Variants in SLC1A2 observed in about 807,000 individuals in gnomAD.
SLC1A2 encodes the protein solute carrier family 1 member 2.
A neutral mutation model predicts 48.8 loss-of-function variants in SLC1A2; 15 were observed. The ratio of observed to expected loss-of-function variants is 0.31; its 90% confidence interval spans 0.21 to 0.47. The LOEUF (loss-of-function observed/expected upper bound fraction) is 0.47, where lower values mean the gene tolerates loss of function less well. Among genes scored for constraint, SLC1A2 ranks in the 20% least tolerant of loss-of-function variants. SLC1A2 has a pLI of 0.99. For missense variants in SLC1A2, 502 were observed against 730.5 expected (o/e 0.69, Z 3.61); for synonymous variants, 279 against 272.6 (o/e 1.02, Z -0.23).
intron 1 of SLC1A2, among the ~76,000 whole-genome samples, chr11:35,333,054 A>G (rs1852481716): frequency 6.6e-6 from 1 of 152,092 alleles, no homozygotes; most frequent in African/African-American, 2.4e-5. Flanking sequence ...ATCCGCACAC[A>G]GCTGATCAAG....
At chr11:35,263,264 C>G (rs1950424017) in intron 10 of SLC1A2, among the ~76,000 whole-genome samples, 1 of 152,078 alleles carries the variant, frequency 6.6e-6, no homozygotes. Flanking sequence ...TAAGGAGTTA[C>G]TGACAAGCCT....
chr11:35,416,316 G>T (rs2421897), intron 1 of SLC1A2, among the ~76,000 whole-genome samples: 3 of 152,126 alleles, frequency 2.0e-5, no homozygotes, highest in African/African-American at 7.2e-5. Context: ...ATCATTTTCA[G>T]ATGATAACCC....
intron 1 of SLC1A2, among the ~76,000 whole-genome samples, chr11:35,364,987 A>G (rs1158161143): frequency 6.6e-6 from 1 of 152,224 alleles, no homozygotes; most frequent in Non-Finnish European, 1.5e-5. Flanking sequence ...ATCTGAACGC[A>G]CAGCCAATGC....
At chr11:35,293,504 A>T (rs1036652658) in intron 6 of SLC1A2, among the ~76,000 whole-genome samples, 1 of 152,212 alleles carries the variant, frequency 6.6e-6, no homozygotes, top group Non-Finnish European at 1.5e-5. Context: ...TTCTCTCTCA[A>T]CCTGAATATA....
intron 7 of SLC1A2, 51 bp from the exon 8 acceptor site, chr11:35,287,002 C>A: frequency 1.4e-6 from 2 of 1,404,824 alleles, no homozygotes; most frequent in South Asian, 1.2e-5. Context: ...TTTAGAGAAG[C>A]AGGACAATGC....
At chr11:35,397,479 T>C (rs1335951095) in intron 1 of SLC1A2, among the ~76,000 whole-genome samples, 1 of 150,076 alleles carries the variant, frequency 6.7e-6, no homozygotes, top group Non-Finnish European at 1.5e-5. Flanking sequence ...TAGCCATATG[T>C]AGAAAGCTGA....
At position 35,257,544 on chromosome 11, in the gene SLC1A2, C is replaced by T. The variant is rs1374568309; in HGVS notation, c.*3350G>A. ...AGATCTGTGAGATCTAGATGATTGC[C>T]CTGATTTTCTGATGCTCTTTGTATG... On this transcript the variant is annotated 3_prime_UTR_variant, in exon 11 of 11. Coordinates refer to ENST00000278379, the MANE Select transcript of SLC1A2 (RefSeq NM_004171.4). 6.6e-6 allele frequency: 1 copy of T among 152,176 alleles called. No individual in the cohort carries two copies. The highest frequency in any genetic ancestry group is 2.4e-5 in the African/African-American group (1 of 41,508). The allele number at this position is 152,176 out of a possible 1,614,324, so 9.4% of individuals were successfully genotyped here.
At chr11:35,309,334 C>A (rs151287856) in intron 4 of SLC1A2, among the ~76,000 whole-genome samples, 100 of 152,334 alleles carry the variant, frequency 6.6e-4, no homozygotes, top group African/African-American at 2.3e-3. Flanking sequence ...AGCCTGGCAG[C>A]CCGTCCTGCT....
At chr11:35,314,194 T>C (rs889281340) in intron 3 of SLC1A2, among the ~76,000 whole-genome samples, 3 of 152,224 alleles carry the variant, frequency 2.0e-5, no homozygotes, top group African/African-American at 7.2e-5. Flanking sequence ...TAACAAATCA[T>C]ACATTGGCCA....
At chr11:35,301,428 A>G in intron 6 of SLC1A2, 91 bp downstream of exon 6, 1 of 1,258,932 alleles carries the variant, frequency 7.9e-7, no homozygotes, top group Non-Finnish European at 1.1e-6. Flanking sequence ...AGCCCATGCC[A>G]ACTTTTTCCT....
chr11:35,325,551 T>A (rs753130624), intron 1 of SLC1A2, among the ~76,000 whole-genome samples: 60 of 152,230 alleles, frequency 3.9e-4, no homozygotes, highest in Non-Finnish European at 8.1e-4. Context: ...TGTCACAGGT[T>A]CTTTGTGACA....
At chr11:35,410,713 T>C (rs1855431917) in intron 1 of SLC1A2, among the ~76,000 whole-genome samples, 2 of 152,122 alleles carry the variant, frequency 1.3e-5, no homozygotes, top group Admixed American at 1.3e-4. Flanking sequence ...ATTCAATGGC[T>C]GGTTAATGCA....
chr11:35,260,679 G>A lies in SLC1A2; in HGVS notation c.*215C>T, dbSNP rs1183141878. The A allele has an allele frequency of 9.4e-6, 5 of 532,990 alleles. No individual in the cohort carries two copies. Among genetic ancestry groups the A allele is most frequent in the East Asian group, 3.1e-5 (1 of 31,936 alleles). The allele number at this position is 532,990 out of a possible 1,614,324, so 33.0% of individuals were successfully genotyped here. A position where few individuals can be genotyped will look rare whatever the true frequency, so the allele number is the denominator to read the frequency against. On this transcript the variant is annotated 3_prime_UTR_variant, in exon 11 of 11. Transcript: ENST00000278379. ...TCCATTCAAATAATAATACAAGTGA[G>A]AAAATTAGACGGTTATAAAGCATTA...
At chr11:35,392,170 G>A (rs774739188) in intron 1 of SLC1A2, among the ~76,000 whole-genome samples, 2 of 152,084 alleles carry the variant, frequency 1.3e-5, no homozygotes, top group Non-Finnish European at 1.5e-5. Context: ...AATTCTTTTT[G>A]CTTACACATA....
chr11:35,395,690 T>C (rs761166675), intron 1 of SLC1A2, among the ~76,000 whole-genome samples: 9 of 151,556 alleles, frequency 5.9e-5, no homozygotes, highest in Non-Finnish European at 8.8e-5. Flanking sequence ...TTTTTTTTAA[T>C]TATACTTTAA....
chr11:35,381,329 C>G (rs1854416640), intron 1 of SLC1A2, among the ~76,000 whole-genome samples: 1 of 152,126 alleles, frequency 6.6e-6, no homozygotes, highest in Admixed American at 6.5e-5. Context: ...GAGGCACTTT[C>G]CATTGCTGAA....
intron 6 of SLC1A2, among the ~76,000 whole-genome samples, chr11:35,292,752 G>T (rs7937731): frequency 6.5e-4 from 99 of 152,226 alleles, no homozygotes; most frequent in Admixed American, 1.1e-3. Flanking sequence ...CAAATTTTGT[G>T]GCTAAGGTGA....
intron 6 of SLC1A2, among the ~76,000 whole-genome samples, chr11:35,295,719 GC>G (rs1204180794): frequency 6.6e-6 from 1 of 152,198 alleles, no homozygotes; most frequent in Non-Finnish European, 1.5e-5. Flanking sequence ...TCCAGGACTG[GC>G]CTGTGGAGTC....
At chr11:35,396,597 G>A (rs1026262350) in intron 1 of SLC1A2, among the ~76,000 whole-genome samples, 54 of 152,058 alleles carry the variant, frequency 3.6e-4, no homozygotes, top group Non-Finnish European at 6.3e-4. Context: ...AGATGAGTAG[G>A]TTGGGAAAAT....
Sources: allele counts gnomAD v4.1 joint callset (sites outside exome capture counted in the v4.1 genomes callset), GRCh38; gene constraint gnomAD v4.1.1; transcripts MANE v1.5; gene names NCBI Gene and HGNC (gene_info 2026-07-23, HGNC 2026-07-21).